HECW1: variants seen among roughly 807,000 people sequenced by gnomAD.
HECW1 encodes HECT, C2 and WW domain containing E3 ubiquitin protein ligase 1, also known as E3 ubiquitin-protein ligase HECW1.
Under a neutral mutation model 182.3 loss-of-function variants are expected in HECW1, and 61 were observed. The ratio of observed to expected loss-of-function variants is 0.33; its 90% CI spans 0.27 to 0.41. The LOEUF is 0.41. Among genes scored for constraint, HECW1 ranks in the 10% least tolerant of loss-of-function variants. The pLI, the probability that HECW1 is intolerant of heterozygous loss-of-function variation, is 1.00. For missense variants in HECW1, 1,739 were observed against 2,108.9 expected (o/e 0.82, Z 3.44); for synonymous variants, 859 against 832.6 (o/e 1.03, Z -0.55).
chr7:43,550,573 G>A lies in HECW1; in HGVS notation c.4377G>A (p.Leu1459=). Residue 1459 remains leucine (L), a synonymous_variant, in exon 27 of 30, where the codon CTG becomes CTA. Coordinates refer to ENST00000395891, the MANE Select transcript of HECW1 (RefSeq NM_015052.5). ...GCGTGGTACAGCAGACCGAGGCGCT[G>A]GTGCGCGGCTTCTACGAGGTGAGGC... The part of the protein sequence containing the change: ...ERGVVQQTEA[L]VRGFYEVVDS... 6.2e-7 allele frequency: 1 copy of A among 1,606,512 alleles called. No homozygotes were observed. Among genetic ancestry groups the A allele is most frequent in the Non-Finnish European group, 8.5e-7 (1 of 1,176,606 alleles).
At chr7:43,346,062 A>ATTGCCACACTGT (rs1813639386) in intron 5 of HECW1, among the ~76,000 whole-genome samples, 1 of 152,170 alleles carries the variant, frequency 6.6e-6, no homozygotes, top group Non-Finnish European at 1.5e-5. Flanking sequence ...TCTTTAAGGA[A>ATTGCCACACTGT]TTGCCACACT....
At chr7:43,335,581 A>AGCAACTCAGTC (rs1812017457) in intron 5 of HECW1, among the ~76,000 whole-genome samples, 1 of 152,232 alleles carries the variant, frequency 6.6e-6, no homozygotes, top group African/African-American at 2.4e-5. Flanking sequence ...TGAGGAATAA[A>AGCAACTCAGTC]TGTCTGTAGT....
chr7:43,312,126 T>C (rs1224808671), intron 4 of HECW1, 39 bp downstream of exon 4: 1 of 1,513,626 alleles, frequency 6.6e-7, no homozygotes, highest in Non-Finnish European at 9.1e-7. Context: ...CATAATTCAC[T>C]TTTACATATG....
intron 3 of HECW1, among the ~76,000 whole-genome samples, chr7:43,297,946 T>A (rs1806251228): frequency 6.6e-6 from 1 of 152,142 alleles, no homozygotes. Flanking sequence ...TGATAGTACA[T>A]GACGGTGGTC....
intron 6 of HECW1, among the ~76,000 whole-genome samples, chr7:43,381,289 G>C (rs1027025264): frequency 1.3e-5 from 2 of 151,946 alleles, no homozygotes; most frequent in Admixed American, 6.6e-5. Flanking sequence ...TAGAATCTTG[G>C]TGCTGTGGTG....
chr7:43,445,660 T>C (rs775601160), intron 11 of HECW1, 90 bp downstream of exon 11: 596 of 1,435,674 alleles, frequency 4.2e-4, no homozygotes, highest in Non-Finnish European at 5.3e-4. Flanking sequence ...GGGCGGGGGA[T>C]CGGTGTCAAA....
chr7:43,131,508 A>G (rs1477586486), intron 2 of HECW1, among the ~76,000 whole-genome samples: 2 of 152,168 alleles, frequency 1.3e-5, no homozygotes, highest in East Asian at 1.9e-4. Context: ...GAATTGATTA[A>G]TACAGTGTAT....
intron 3 of HECW1, among the ~76,000 whole-genome samples, chr7:43,307,523 T>C (rs545026421): frequency 6.6e-6 from 1 of 152,118 alleles, no homozygotes; most frequent in Non-Finnish European, 1.5e-5. Context: ...TTGTAAGACA[T>C]TGGAATCACT....
intron 17 of HECW1, among the ~76,000 whole-genome samples, chr7:43,486,038 G>A (rs1446021861): frequency 4.6e-5 from 7 of 151,504 alleles, no homozygotes; most frequent in Admixed American, 4.6e-4. Context: ...GCCCCTGTGT[G>A]TCATGTTCCC....
chr7:43,507,986 G>A (rs2079659508), intron 22 of HECW1, 32 bp from the exon 23 acceptor site: 1 of 1,505,170 alleles, frequency 6.6e-7, no homozygotes, highest in East Asian at 2.3e-5. Flanking sequence ...CTGACTTCAG[G>A]GCCACTGCTC....
intron 24 of HECW1, among the ~76,000 whole-genome samples, chr7:43,532,945 G>T (rs1461776684): frequency 6.6e-6 from 1 of 152,196 alleles, no homozygotes; most frequent in Non-Finnish European, 1.5e-5. Context: ...CCTTCTTCAA[G>T]TTTTCAAGAA....
intron 8 of HECW1, among the ~76,000 whole-genome samples, chr7:43,415,061 T>A (rs1317867338): frequency 6.6e-6 from 1 of 152,002 alleles, no homozygotes; most frequent in African/African-American, 2.4e-5. Context: ...GTGAATTTGA[T>A]CCTGTCATTA....
At chr7:43,485,058 G>T (rs989017484) in intron 17 of HECW1, among the ~76,000 whole-genome samples, 1 of 152,166 alleles carries the variant, frequency 6.6e-6, no homozygotes, top group Non-Finnish European at 1.5e-5. Context: ...TCTTATCTTG[G>T]TCAGGTTAGA....
intron 2 of HECW1, among the ~76,000 whole-genome samples, chr7:43,186,753 C>T (rs866216794): frequency 2.1e-4 from 32 of 151,220 alleles, no homozygotes; most frequent in Middle Eastern, 3.4e-3. Context: ...TGCACAAATA[C>T]TTACCATTGC....
chr7:43,172,811 C>T (rs1343322326), intron 2 of HECW1, among the ~76,000 whole-genome samples: 3 of 152,282 alleles, frequency 2.0e-5, no homozygotes, highest in Admixed American at 6.5e-5. Context: ...GCATTGTAAG[C>T]GATCCTTGGA....
intron 14 of HECW1, among the ~76,000 whole-genome samples, chr7:43,464,115 A>G (rs764174766): frequency 6.6e-6 from 1 of 152,230 alleles, no homozygotes; most frequent in Non-Finnish European, 1.5e-5. Flanking sequence ...GAGCAAGGCA[A>G]CTTTGTCAGT....
chr7:43,119,382 G>A (rs577207923), intron 2 of HECW1, among the ~76,000 whole-genome samples: 8 of 152,288 alleles, frequency 5.3e-5, no homozygotes, highest in South Asian at 4.1e-4. Context: ...TGGTGTTCCC[G>A]CAGCCTCTCT....
chr7:43,409,198 G>A (rs2075715326), intron 8 of HECW1, among the ~76,000 whole-genome samples: 1 of 152,158 alleles, frequency 6.6e-6, no homozygotes, highest in Non-Finnish European at 1.5e-5. Context: ...TGGACGTGAG[G>A]GAAATAGACT....
At chr7:43,290,697 G>A (rs976844191) in intron 3 of HECW1, among the ~76,000 whole-genome samples, 96 of 152,304 alleles carry the variant, frequency 6.3e-4, no homozygotes, top group African/African-American at 1.7e-3. Flanking sequence ...ACGTCATAAC[G>A]TCCAGAGCCC....
Sources: gnomAD v4.1 joint callset for allele counts (sites outside exome capture counted in the v4.1 genomes callset) on GRCh38, gnomAD v4.1.1 for gene constraint, MANE v1.5 for transcripts, NCBI Gene and HGNC (gene_info 2026-07-23, HGNC 2026-07-21) for gene names.